The following MRAP variants were observed in gnomAD, a reference collection of about 807,000 sequenced individuals.
MRAP encodes melanocortin-2 receptor accessory protein.
A neutral mutation model predicts 8.7 loss-of-function variants in MRAP; 8 were observed. That is an observed-to-expected ratio of 0.92 (90% CI 0.54 to 1.66). The LOEUF (loss-of-function observed/expected upper bound fraction) is 1.66. MRAP is among the 40% of genes most tolerant of loss of function. The probability of loss-of-function intolerance (pLI) is 0.00; values close to 1 mark genes in which losing one functional copy is unlikely to be tolerated. For synonymous variants in MRAP, 95 were observed against 95.5 expected (o/e 1.00, Z 0.03); for missense variants, 237 against 217.1 (o/e 1.09, Z -0.58).
At chr21:32,308,396 A>AAAAAAG (rs2032470826) in intron 2 of MRAP, 1 of 152,664 alleles carries the variant, frequency 6.6e-6, no homozygotes, top group African/African-American at 2.4e-5. Context: ...AAAAAAAAAG[A>AAAAAAG]AAAAAGAAAA....
At chr21:32,300,822 G>C (rs1223621919) in intron 1 of MRAP, among the ~76,000 whole-genome samples, 3 of 147,704 alleles carry the variant, frequency 2.0e-5, no homozygotes, top group African/African-American at 7.5e-5. Context: ...GGCGTCATGT[G>C]TCCTATGTCG....
At chr21:32,312,416 A>T (rs1280689657), downstream of MRAP, 18 of 871,498 alleles carry the variant, frequency 2.1e-5, no homozygotes, top group Non-Finnish European at 2.7e-5. Flanking sequence ...TCCAAGCTCC[A>T]CTAACACCCG....
upstream of MRAP, among the ~76,000 whole-genome samples, chr21:32,297,999 A>G (rs949292855): frequency 3.9e-5 from 6 of 152,208 alleles, no homozygotes; most frequent in Non-Finnish European, 8.8e-5. Context: ...AACACAAGAA[A>G]GCTGGGCGTA....
chr21:32,308,347 A>G (rs528348826), intron 2 of MRAP, among the ~76,000 whole-genome samples: 1 of 152,280 alleles, frequency 6.6e-6, no homozygotes, highest in South Asian at 2.1e-4. Flanking sequence ...ACTGCACTCC[A>G]GCCTGGGCAA....
chr21:32,309,449 A>AT (rs375525509), intron 2 of MRAP, among the ~76,000 whole-genome samples: 7,013 of 143,780 alleles, frequency 0.049, 369 homozygotes, highest in African/African-American at 0.14. Flanking sequence ...GAAGAAATTC[A>AT]TTTTTTTTTT....
Position 32,299,061 on chromosome 21 carries a change from G to A in MRAP, c.90G>A (p.Lys30=), listed in dbSNP as rs1406168558. 6.2e-7 allele frequency: 1 copy of A among 1,614,000 alleles called. No individual in the cohort carries two copies. Among genetic ancestry groups the A allele is most frequent in the Non-Finnish European group, 8.5e-7 (1 of 1,179,890 alleles). The change falls in exon 1 of 3, where the codon AAG becomes AAA. Residue 30 remains lysine, a synonymous_variant. Coordinates refer to ENST00000303645, the MANE Select transcript of MRAP (RefSeq NM_001379228.1). The part of the protein sequence containing the change: ...YLDLIPVDEK[K]LKAHKHSIVI... ...ACCTCATTCCCGTGGACGAGAAGAA[G>A]CTGAAAGCCCACAAACGTAAGTCTG...
intron 1 of MRAP, among the ~76,000 whole-genome samples, chr21:32,292,246 T>A (rs2032062439): frequency 6.6e-6 from 1 of 152,092 alleles, no homozygotes; most frequent in Non-Finnish European, 1.5e-5. Flanking sequence ...GTTGGAGACG[T>A]GGGTAGGGTT....
At chr21:32,307,367 G>A (rs530113680) in intron 2 of MRAP, among the ~76,000 whole-genome samples, 123 of 152,208 alleles carry the variant, frequency 8.1e-4, no homozygotes, top group South Asian at 1.5e-3. Context: ...TTGAGGTCAG[G>A]AGTTCAAGTT....
chr21:32,309,068 T>A (rs2032488223), intron 2 of MRAP, among the ~76,000 whole-genome samples: 1 of 152,188 alleles, frequency 6.6e-6, no homozygotes, highest in Admixed American at 6.5e-5. Context: ...GGCTGAGTAA[T>A]TTATGAAGAA....
chr21:32,305,949 G>C (rs1044687154), intron 1 of MRAP, among the ~76,000 whole-genome samples: 5 of 152,154 alleles, frequency 3.3e-5, no homozygotes, highest in Non-Finnish European at 7.4e-5. Context: ...GTGTTTCCTG[G>C]TTTCCCTTTC....
At chr21:32,294,668 C>T (rs1055837526), upstream of MRAP, among the ~76,000 whole-genome samples, 1 of 151,992 alleles carries the variant, frequency 6.6e-6, no homozygotes, top group Non-Finnish European at 1.5e-5. Flanking sequence ...TAATCACTTT[C>T]GATAAACAAA....
At chr21:32,308,368 ACT>A (rs1467596964) in intron 2 of MRAP, among the ~76,000 whole-genome samples, 1 of 151,920 alleles carries the variant, frequency 6.6e-6, no homozygotes, top group Non-Finnish European at 1.5e-5. Context: ...GAAGAGAGAA[ACT>A]CTGTCTCCAA....
chr21:32,308,568 A>C (rs958837442), intron 2 of MRAP: 2 of 152,634 alleles, frequency 1.3e-5, no homozygotes, highest in Non-Finnish European at 2.9e-5. Context: ...GACACATCCA[A>C]TGTTCCCTTC....
chr21:32,306,667 G>T lies in MRAP; in HGVS notation c.134G>T (p.Ser45Ile). ...KHSIVIAFWV[S>I]LAAFVVLLFL... is the part of the protein sequence containing the mutation. ...TCCATCGTGATCGCATTCTGGGTGA[G>T]CCTGGCTGCCTTCGTGGTGCTGCTC... The change falls in exon 2 of 3, where the codon AGC (serine) becomes ATC (isoleucine). Residue 45 changes from serine (S) to isoleucine (I), a missense_variant. By Grantham distance (142) the Ser-to-Ile change is moderately radical. Coordinates refer to ENST00000303645, the MANE Select transcript of MRAP (RefSeq NM_001379228.1). The T allele has an allele frequency of 6.2e-7, 1 of 1,614,122 alleles. No individual in the cohort carries two copies. Among genetic ancestry groups the T allele is most frequent in the Non-Finnish European group, 8.5e-7 (1 of 1,180,032 alleles).
upstream of MRAP, among the ~76,000 whole-genome samples, chr21:32,294,271 CACCT>C (rs967980071): frequency 6.6e-6 from 1 of 152,122 alleles, no homozygotes; most frequent in Admixed American, 6.6e-5. Flanking sequence ...CCTGCCACCA[CACCT>C]GGCTAATTTT....
At chr21:32,296,702 T>A (rs553281978), upstream of MRAP, among the ~76,000 whole-genome samples, 4 of 152,340 alleles carry the variant, frequency 2.6e-5, no homozygotes, top group East Asian at 7.7e-4. Flanking sequence ...GATAGTATTA[T>A]GATATTATTA....
intron 1 of MRAP, among the ~76,000 whole-genome samples, chr21:32,305,510 A>G (rs914129704): frequency 1.3e-5 from 2 of 152,280 alleles, no homozygotes; most frequent in African/African-American, 4.8e-5. Flanking sequence ...TTAGTGCTGG[A>G]AGCACTGCAG....
At chr21:32,292,170 G>A (rs977880811) in intron 1 of MRAP, among the ~76,000 whole-genome samples, 1 of 151,950 alleles carries the variant, frequency 6.6e-6, no homozygotes, top group African/African-American at 2.4e-5. Context: ...CCCTCCTGCA[G>A]AGATACATAG....
chr21:32,292,457 T>C (rs2032066058), intron 1 of MRAP, among the ~76,000 whole-genome samples: 1 of 152,170 alleles, frequency 6.6e-6, no homozygotes, highest in Non-Finnish European at 1.5e-5. Flanking sequence ...AGTATTAAAA[T>C]GTAACTTTTT....
Sources: gnomAD v4.1 joint callset for allele counts (sites outside exome capture counted in the v4.1 genomes callset) on GRCh38, gnomAD v4.1.1 for gene constraint, MANE v1.5 for transcripts, NCBI Gene and HGNC (gene_info 2026-07-23, HGNC 2026-07-21) for gene names.